Variants in EDA2R observed in about 807,000 individuals in gnomAD.
The protein encoded by EDA2R is ectodysplasin A2 receptor.
Under a neutral mutation model 20.1 loss-of-function variants are expected in EDA2R, and 26 were observed. That is an observed-to-expected ratio of 1.30 (90% CI 0.95 to 1.80). The LOEUF is 1.80. Ranked by LOEUF, EDA2R falls within the 40% of genes most tolerant of loss-of-function variation. The pLI is 0.00. For missense variants in EDA2R, 277 were observed against 228.7 expected, an observed-to-expected ratio of 1.21 and a Z score of -1.36; for synonymous variants, 114 against 88.7, an observed-to-expected ratio of 1.29 and a Z score of -1.60.
At chrX:66,628,051 A>G (rs1933287324) in intron 1 of EDA2R, among the ~76,000 whole-genome samples, 1 of 111,717 alleles carries the variant, frequency 9.0e-6, no homozygotes, top group Admixed American at 9.5e-5. Flanking sequence ...AACCATGCAG[A>G]TACATGGAAA....
chrX:66,604,422 T>C lies in EDA2R; in HGVS notation c.351A>G (p.Gln117=), dbSNP rs779394873. Residue 117 remains glutamine, a splice_region_variant and synonymous_variant, in exon 4 of 7, where the codon CAA becomes CAG. Transcript: ENST00000374719. ...CTKQTPTSEV[Q]CAFQLSLVEA... is the part of the protein sequence containing the mutation. ...GGAAGAAGAGAACTGGGTACACACA[T>C]TGAACCTCAGAGGTGGGGGTCTGCT... 9 of 1,205,371 alleles carry C rather than the reference T, an allele frequency of 7.5e-6. No homozygotes were observed. Among genetic ancestry groups the C allele is most frequent in the South Asian group, 1.8e-5 (1 of 55,797 alleles).
rs775586223 is a variant in EDA2R at position 66,632,434 on chromosome X, AAGC to A, written c.-11+6558_-11+6560del. 2.8e-3 allele frequency among the ~76,000 whole-genome samples: 295 copies of A among 103,948 alleles called. 2 individuals are homozygous for A. Among genetic ancestry groups the A allele is most frequent in the South Asian group, 4.6e-3 (10 of 2,182 alleles). 90.3% of individuals were successfully genotyped at this position (103,948 alleles called of 115,157 possible). A position where few individuals can be genotyped will look rare whatever the true frequency, so the allele number is the denominator to read the frequency against. ...TTCTCAAACAAAGAAGAAGAAGAAG[AAGC>A]AGGAGGAGGAGGAGGAGGAGGGTGA... On this transcript the variant is annotated intron_variant, in intron 1 of 6. Transcript: ENST00000374719.
In EDA2R at chrX:66,608,703, G is replaced by C. The variant is rs769491391; in HGVS notation, c.88-3477C>G. Among the ~76,000 whole-genome samples the C allele has an allele frequency of 4.0e-4, 45 of 112,099 alleles. 1 individual carries two copies. Among genetic ancestry groups the C allele is most frequent in the Non-Finnish European group, 1.5e-4 (8 of 53,197 alleles). On this transcript the variant is annotated intron_variant, in intron 2 of 6. Coordinates refer to ENST00000374719, the MANE Select transcript of EDA2R (RefSeq NM_021783.5). ...AGAGTCCTTCAGGCTGAAATGAACA[G>C]ACAATGGAGAGTAACCCAAAGCCAT... is the stretch of plus-strand genomic sequence containing the variant.
intron 1 of EDA2R, among the ~76,000 whole-genome samples, chrX:66,623,342 G>A (rs1602289106): frequency 1.8e-5 from 2 of 111,542 alleles, no homozygotes; most frequent in East Asian, 5.6e-4. Context: ...TTTTTCTAGG[G>A]AGAATAGAAA....
At chrX:66,634,844 A>G (rs1272113642) in intron 1 of EDA2R, among the ~76,000 whole-genome samples, 2 of 111,652 alleles carry the variant, frequency 1.8e-5, no homozygotes, top group Non-Finnish European at 3.8e-5. Context: ...CCACAGCCCA[A>G]TAATGGCTCA....
intron 2 of EDA2R, among the ~76,000 whole-genome samples, chrX:66,610,403 T>C (rs779748508): frequency 6.5e-4 from 72 of 110,229 alleles, no homozygotes; most frequent in African/African-American, 1.8e-3. Flanking sequence ...CAGATGAACA[T>C]TAGGTATTGT....
At chrX:66,621,685 A>G (rs1255215002) in intron 1 of EDA2R, among the ~76,000 whole-genome samples, 1 of 112,382 alleles carries the variant, frequency 8.9e-6, no homozygotes, top group African/African-American at 3.2e-5. Flanking sequence ...ATTTACATGA[A>G]ATGTCCAGAA....
intron 2 of EDA2R, among the ~76,000 whole-genome samples, chrX:66,610,274 C>CACACAG (rs1324283212): frequency 1.1e-5 from 1 of 92,993 alleles, no homozygotes; most frequent in Non-Finnish European, 2.0e-5. Flanking sequence ...GATACACAAA[C>CACACAG]ACACACACAC....
At position 66,595,763 on chromosome X, in the gene EDA2R, C is replaced by A. The variant is rs1927332745; in HGVS notation, c.*2341G>T. 2.7e-5 allele frequency: 3 copies of A among 111,622 alleles called. No individual in the cohort carries two copies. In the South Asian group the frequency reaches 1.1e-3, roughly 43 times the overall value. 9.2% of individuals were successfully genotyped at this position (111,622 alleles called of 1,213,427 possible). ...GTTAACAAAATTTCTATAAATAACC[C>A]ATTTATGAGAAAAAATAATTAAAAT... On this transcript the variant is annotated 3_prime_UTR_variant, in exon 7 of 7. Transcript: ENST00000374719.
chrX:66,610,589 T>A (rs1930571670), intron 2 of EDA2R, among the ~76,000 whole-genome samples: 1 of 111,744 alleles, frequency 8.9e-6, no homozygotes, highest in Non-Finnish European at 1.9e-5. Flanking sequence ...AGCACTCCCT[T>A]TCATTTTATT....
At position 66,599,569 on chromosome X, in the gene EDA2R, C is replaced by T; in HGVS notation, c.809G>A (p.Gly270Glu). The T allele has an allele frequency of 8.4e-7, 1 of 1,193,181 alleles. No individual in the cohort carries two copies. Among genetic ancestry groups the T allele is most frequent in the Non-Finnish European group, 1.1e-6 (1 of 885,647 alleles). The change falls in exon 6 of 7, where the codon GGA becomes GAA. Residue 270 changes from glycine (G) to glutamate (E), a missense_variant. Coordinates refer to ENST00000374719, the MANE Select transcript of EDA2R (RefSeq NM_021783.5). The part of the protein sequence containing the change: ...QKFSSSASYT[G>E]AETLGGNTVE... ...TGTGTTTCCCCCCAAGGTCTCAGCT[C>T]CAGTATAGGAGGCAGAGCTGGAAAA...
chrX:66,633,619 C>T (rs1026396216), intron 1 of EDA2R, among the ~76,000 whole-genome samples: 1 of 111,377 alleles, frequency 9.0e-6, no homozygotes, highest in Non-Finnish European at 1.9e-5. Flanking sequence ...GGAGACAAGC[C>T]CCAAGCCAGA....
intron 2 of EDA2R, among the ~76,000 whole-genome samples, chrX:66,605,562 G>A (rs1330891761): frequency 8.9e-6 from 1 of 111,873 alleles, no homozygotes; most frequent in Non-Finnish European, 1.9e-5. Flanking sequence ...TGCCTACCAG[G>A]GGGTTCCTGA....
Position 66,611,187 on chromosome X carries a change from G to A in EDA2R, c.87+4747C>T, listed in dbSNP as rs762059167. Reference sequence around the variant, plus strand: ...GCCTTTAGAACTGCAGCTCACAAACGTAGGCCAAAACCTGTATGCTAAACA... The same window carrying A: ...GCCTTTAGAACTGCAGCTCACAAACATAGGCCAAAACCTGTATGCTAAACA... On this transcript the variant is annotated intron_variant, in intron 2 of 6. Coordinates refer to ENST00000374719, the MANE Select transcript of EDA2R (RefSeq NM_021783.5). Among the ~76,000 whole-genome samples, 5 of 111,596 alleles carry A rather than the reference G, an allele frequency of 4.5e-5. No individual in the cohort carries two copies. The South Asian group carries it at 1.9e-3, about 42-fold the overall frequency.
chrX:66,617,275 C>T (rs1193589783), intron 1 of EDA2R, among the ~76,000 whole-genome samples: 1 of 111,784 alleles, frequency 8.9e-6, no homozygotes, highest in Non-Finnish European at 1.9e-5. Context: ...TTTTTTTCAT[C>T]ATCAACTGGG....
intron 1 of EDA2R, among the ~76,000 whole-genome samples, chrX:66,634,671 C>G (rs1934165170): frequency 8.9e-6 from 1 of 111,759 alleles, no homozygotes; most frequent in African/African-American, 3.3e-5. Flanking sequence ...TTCCCAAAGT[C>G]ACACAGTGGT....
intron 5 of EDA2R, among the ~76,000 whole-genome samples, chrX:66,602,197 A>C (rs1928734266): frequency 8.9e-6 from 1 of 111,799 alleles, no homozygotes; most frequent in African/African-American, 3.3e-5. Flanking sequence ...CTACTAGTAT[A>C]GATATAAAGA....
chrX:66,604,260 T>C (rs1446440750), intron 4 of EDA2R, among the ~76,000 whole-genome samples, 161 bp downstream of exon 4: 1 of 111,327 alleles, frequency 9.0e-6, no homozygotes, highest in African/African-American at 3.3e-5. Context: ...TTGCATAGAG[T>C]TGCAAAGATA....
Position 66,621,135 on chromosome X carries a change from G to A in EDA2R, c.-10-5105C>T, listed in dbSNP as rs138872477. The stretch of plus-strand genomic sequence containing the variant: ...CTACTAAAAATACAAAAATTAGCCG[G>A]GGATGGTGGCAGGCACCTGTAATCC... On this transcript the variant is annotated intron_variant, in intron 1 of 6. Coordinates refer to ENST00000374719, the MANE Select transcript of EDA2R (RefSeq NM_021783.5). Among the ~76,000 whole-genome samples the A allele has an allele frequency of 6.2e-3, 682 of 110,591 alleles. 8 individuals are homozygous for A. Among genetic ancestry groups the A allele is most frequent in the African/African-American group, 0.022 (659 of 30,409 alleles).
Sources: allele counts gnomAD v4.1 joint callset (sites outside exome capture counted in the v4.1 genomes callset), GRCh38; gene constraint gnomAD v4.1.1; transcripts MANE v1.5; gene names NCBI Gene and HGNC (gene_info 2026-07-23, HGNC 2026-07-21).